Variants in VTI1A observed in about 807,000 individuals in gnomAD.
VTI1A encodes the protein vesicle transport through interaction with t-SNAREs homolog 1A.
VTI1A carries 22 observed loss-of-function variants against 34.9 expected under a neutral mutation model. That is an observed-to-expected ratio of 0.63 (90% CI 0.45 to 0.90). The LOEUF is 0.90. VTI1A is among the 40% of genes least tolerant of loss of function. VTI1A has a pLI of 0.00. For synonymous variants in VTI1A, 87 were observed against 97.3 expected (o/e 0.89, Z 0.62); for missense variants, 268 against 275.6 (o/e 0.97, Z 0.20).
At chr10:112,805,704 G>A (rs1334839878) in intron 7 of VTI1A, among the ~76,000 whole-genome samples, 2 of 152,162 alleles carry the variant, frequency 1.3e-5, no homozygotes, top group African/African-American at 2.4e-5. Context: ...ATACCACCTT[G>A]TGAAAACAAA....
intron 5 of VTI1A, among the ~76,000 whole-genome samples, chr10:112,618,733 C>A (rs1283938657): frequency 6.6e-6 from 1 of 151,548 alleles, no homozygotes; most frequent in Admixed American, 6.6e-5. Flanking sequence ...CAAAGTGTTG[C>A]TATATATACA....
intron 5 of VTI1A, among the ~76,000 whole-genome samples, chr10:112,593,007 G>C (rs1354363764): frequency 2.6e-5 from 4 of 152,194 alleles, no homozygotes; most frequent in African/African-American, 7.2e-5. Flanking sequence ...GTTTAAAGGA[G>C]AGAATGCAGA....
chr10:112,764,419 A>G (rs1252984906), intron 7 of VTI1A, among the ~76,000 whole-genome samples: 1 of 152,220 alleles, frequency 6.6e-6, no homozygotes, highest in Non-Finnish European at 1.5e-5. Context: ...TGTGTTTACA[A>G]AAGTGCTTCG....
chr10:112,619,888 G>A (rs1845660219), intron 5 of VTI1A, among the ~76,000 whole-genome samples: 1 of 152,168 alleles, frequency 6.6e-6, no homozygotes, highest in South Asian at 2.1e-4. Context: ...CCACCTAGGG[G>A]AGGACATAAT....
intron 7 of VTI1A, among the ~76,000 whole-genome samples, chr10:112,717,876 C>G (rs1353315402): frequency 6.6e-6 from 1 of 152,174 alleles, no homozygotes; most frequent in African/African-American, 2.4e-5. Flanking sequence ...AAAATACAAT[C>G]TGTCACATCC....
At chr10:112,809,315 C>T (rs115045259) in intron 7 of VTI1A, among the ~76,000 whole-genome samples, 124 of 152,304 alleles carry the variant, frequency 8.1e-4, no homozygotes, top group African/African-American at 2.6e-3. Flanking sequence ...TGAATAGTAA[C>T]GTTGAATTGG....
At chr10:112,834,835 T>C in the VTI1A span, among the ~76,000 whole-genome samples, 2 of 152,116 alleles carry the variant, frequency 1.3e-5, no homozygotes, top group African/African-American at 4.8e-5. Flanking sequence ...AAATAGCAAA[T>C]GTGCAACATG....
chr10:112,843,576 A>G, the VTI1A span, among the ~76,000 whole-genome samples: 3 of 152,214 alleles, frequency 2.0e-5, no homozygotes, highest in African/African-American at 7.2e-5. Context: ...TTTGTCCCTG[A>G]GTCAAACATA....
At chr10:112,639,591 T>C (rs1212922563) in intron 5 of VTI1A, among the ~76,000 whole-genome samples, 1 of 152,180 alleles carries the variant, frequency 6.6e-6, no homozygotes, top group Non-Finnish European at 1.5e-5. Flanking sequence ...AGAACTGACA[T>C]GGGGTGACTA....
chr10:112,731,302 G>A (rs762416349), intron 7 of VTI1A, among the ~76,000 whole-genome samples: 3 of 152,112 alleles, frequency 2.0e-5, no homozygotes, highest in East Asian at 1.9e-4. Context: ...GGCCAGGCCC[G>A]GTGGCTCACG....
rs563395166 is a variant in VTI1A at position 112,575,785 on chromosome 10, T to C, written c.427+37455T>C. 3.5e-4 allele frequency among the ~76,000 whole-genome samples: 54 copies of C among 152,342 alleles called. No homozygotes were observed. The Middle Eastern group carries it at 0.01, about 29-fold the overall frequency. On this transcript the variant is annotated intron_variant, in intron 5 of 7. Transcript: ENST00000393077. ...TGTCTTTTTAATTTTCTCAGCAGCA[T>C]TGGAGCCATTGAAACGATTTTGCCT...
intron 5 of VTI1A, among the ~76,000 whole-genome samples, chr10:112,570,361 A>C (rs1218158977): frequency 6.6e-6 from 1 of 151,598 alleles, no homozygotes; most frequent in Non-Finnish European, 1.5e-5. Context: ...TCTTATGGGG[A>C]AAAAAAAATT....
chr10:112,690,351 A>G (rs1848572001), intron 7 of VTI1A, among the ~76,000 whole-genome samples: 1 of 152,226 alleles, frequency 6.6e-6, no homozygotes, highest in Non-Finnish European at 1.5e-5. Context: ...GTTCCCAAAG[A>G]CACTGAACCA....
rs190367564 is a variant in VTI1A, at chr10:112,456,058, A to G, written c.95-4466A>G. On this transcript the variant is annotated intron_variant, in intron 1 of 7. Coordinates refer to ENST00000393077, the MANE Select transcript of VTI1A (RefSeq NM_145206.4). ...CCTACCATGTACAGCTCTCTATGCT[A>G]AATACAGAGTTTGGACACGATTTGT... 6.4e-3 allele frequency among the ~76,000 whole-genome samples: 971 copies of G among 152,218 alleles called. 24 individuals are homozygous for G. The highest frequency in any genetic ancestry group is 3.3e-3 in the Non-Finnish European group (224 of 68,014).
At chr10:112,853,622 T>G in the VTI1A span, among the ~76,000 whole-genome samples, 1 of 152,088 alleles carries the variant, frequency 6.6e-6, no homozygotes, top group Non-Finnish European at 1.5e-5. Flanking sequence ...AGACCTCGTG[T>G]TGTTCTTCAA....
intron 5 of VTI1A, among the ~76,000 whole-genome samples, chr10:112,594,640 A>G (rs1316119288): frequency 6.6e-6 from 1 of 152,034 alleles, no homozygotes; most frequent in African/African-American, 2.4e-5. Flanking sequence ...ACTACAAACC[A>G]CTGCTCAATG....
intron 5 of VTI1A, among the ~76,000 whole-genome samples, chr10:112,641,739 A>T (rs1432138361): frequency 6.6e-6 from 1 of 152,088 alleles, no homozygotes; most frequent in Non-Finnish European, 1.5e-5. Context: ...GATTAGCCAA[A>T]CTTGCAGTTA....
intron 1 of VTI1A, among the ~76,000 whole-genome samples, chr10:112,460,046 A>G (rs1847681012): frequency 6.6e-6 from 1 of 152,218 alleles, no homozygotes; most frequent in Non-Finnish European, 1.5e-5. Context: ...AACTTCAAAT[A>G]TTTATTCCAT....
intron 5 of VTI1A, among the ~76,000 whole-genome samples, chr10:112,594,449 G>A (rs1156537017): frequency 6.6e-6 from 1 of 151,978 alleles, no homozygotes; most frequent in Non-Finnish European, 1.5e-5. Context: ...AAGCTGATAA[G>A]CAACTTCAGC....
Sources: gnomAD v4.1 joint callset for allele counts (sites outside exome capture counted in the v4.1 genomes callset) on GRCh38, gnomAD v4.1.1 for gene constraint, MANE v1.5 for transcripts, NCBI Gene and HGNC (gene_info 2026-07-23, HGNC 2026-07-21) for gene names.